The following TRPV4 variants were observed in gnomAD, a reference collection of about 807,000 sequenced individuals.
TRPV4 encodes OSM9-like transient receptor potential channel 4.
In TRPV4, 58 loss-of-function variants were observed where a neutral mutation model predicts 84.1. The observed-to-expected ratio is 0.69, with a 90% CI of 0.56 to 0.86. TRPV4 has a LOEUF of 0.86. Among genes scored for constraint, TRPV4 ranks in the 40% least tolerant of loss-of-function variants. The pLI, the probability that TRPV4 is intolerant of heterozygous loss-of-function variation, is 0.00. For missense variants in TRPV4, 879 were observed against 1,181.1 expected, an observed-to-expected ratio of 0.74 and a Z score of 3.75; for synonymous variants, 489 against 500.9, an observed-to-expected ratio of 0.98 and a Z score of 0.32.
At chr12:109,833,241 C>T (rs1019741495) in intron 1 of TRPV4, 109 bp downstream of exon 1, 3 of 152,334 alleles carry the variant, frequency 2.0e-5, no homozygotes, top group Non-Finnish European at 4.4e-5. Flanking sequence ...CCCTGGCCCG[C>T]ATTTTGGAGC....
intron 1 of TRPV4, among the ~76,000 whole-genome samples, chr12:109,828,609 CAG>C (rs1292848825): frequency 3.9e-5 from 6 of 152,232 alleles, no homozygotes; most frequent in Admixed American, 2.6e-4. Flanking sequence ...TCTGAGGTCA[CAG>C]AGCAGCAACT....
intron 1 of TRPV4, among the ~76,000 whole-genome samples, chr12:109,827,807 CATAT>C (rs1892306845): frequency 2.6e-5 from 4 of 151,506 alleles, no homozygotes; most frequent in African/African-American, 9.8e-5. Flanking sequence ...TATAGTCATA[CATAT>C]ACACACATAC....
At chr12:109,792,598 G>A (rs1890117137) in intron 11 of TRPV4, 54 bp downstream of exon 11, 2 of 1,607,014 alleles carry the variant, frequency 1.2e-6, no homozygotes, top group East Asian at 4.5e-5. Context: ...CATGTGGTGT[G>A]TGTGTGACTC....
intron 3 of TRPV4, among the ~76,000 whole-genome samples, chr12:109,804,634 T>C (rs1470626279): frequency 6.6e-6 from 1 of 152,156 alleles, no homozygotes; most frequent in Non-Finnish European, 1.5e-5. Context: ...GAGACCTGAA[T>C]TCTAGTCTCA....
At position 109,788,483 on chromosome 12, in the gene TRPV4, G is replaced by A. The variant is rs116571438; in HGVS notation, c.2125C>T (p.Leu709=). The A allele has an allele frequency of 3.7e-6, 6 of 1,614,238 alleles. No individual in the cohort carries two copies. Among genetic ancestry groups the A allele is most frequent in the Non-Finnish European group, 5.1e-6 (6 of 1,180,048 alleles). The change falls in exon 13 of 16, where the codon CTG becomes TTG. Residue 709 remains leucine, a synonymous_variant. Transcript: ENST00000261740. ...LVTYIILTFV[L]LLNMLIALMG... ...AGGGCAATGAGCATGTTGAGGAGCA[G>A]CACAAAGGTGAGGATGATGTAGGTC...
At chr12:109,791,380 C>CA (rs953034028) in intron 12 of TRPV4, among the ~76,000 whole-genome samples, 4 of 145,954 alleles carry the variant, frequency 2.7e-5, no homozygotes, top group Admixed American at 6.9e-5. Context: ...GACCTTGCCA[C>CA]AAAAAAAATA....
At chr12:109,819,644 C>A (rs1466726304) in intron 1 of TRPV4, among the ~76,000 whole-genome samples, 1 of 152,234 alleles carries the variant, frequency 6.6e-6, no homozygotes, top group African/African-American at 2.4e-5. Context: ...TCACTGCAAC[C>A]TCCTCCTCCC....
intron 1 of TRPV4, among the ~76,000 whole-genome samples, chr12:109,823,764 A>C (rs1020109675): frequency 6.6e-6 from 1 of 152,094 alleles, no homozygotes; most frequent in African/African-American, 2.4e-5. Context: ...TAAGAAACCA[A>C]CTGAATTGTA....
intron 4 of TRPV4, among the ~76,000 whole-genome samples, chr12:109,801,061 C>T (rs543920138): frequency 6.6e-5 from 10 of 152,356 alleles, no homozygotes; most frequent in Non-Finnish European, 1.0e-4. Flanking sequence ...CGCCTGTAAT[C>T]CCAGCAATTT....
chr12:109,806,915 G>A (rs1397585933), intron 3 of TRPV4, among the ~76,000 whole-genome samples: 2 of 149,918 alleles, frequency 1.3e-5, no homozygotes, highest in Non-Finnish European at 3.0e-5. Flanking sequence ...ATATGTGGAT[G>A]ATGTAGCACA....
chr12:109,803,060 C>G lies in TRPV4; in HGVS notation c.643G>C (p.Asp215His), dbSNP rs1182577604. The G allele has an allele frequency of 6.2e-7, 1 of 1,614,182 alleles. No homozygotes were observed. The highest frequency in any genetic ancestry group is 1.7e-5 in the Admixed American group (1 of 60,022). The stretch of plus-strand genomic sequence containing the variant: ...ATGTTGCCGGTGCGCTCCGCGATGT[C>G]CAGCAGCACAGGGATGGTGTCGTTG... ...GRNDTIPVLL[D>H]IAERTGNMRE... The change falls in exon 4 of 16, where the codon GAC becomes CAC. Residue 215 changes from aspartate (D) to histidine (H), a missense_variant. By Grantham distance (81) the Asp-to-His change is moderately conservative. Around this residue, in one of 4 missense-constraint regions of TRPV4, gnomAD observed 521 missense variants for 686.6 expected, o/e 0.76. Transcript: ENST00000261740.
chr12:109,784,283 GGGGCTCC>G, intron 15 of TRPV4, 26 bp downstream of exon 15: 1 of 1,613,922 alleles, frequency 6.2e-7, no homozygotes, highest in Non-Finnish European at 8.5e-7. Context: ...AGAATGGACT[GGGGCTCC>G]CCTCCGCACC....
At chr12:109,806,710 A>T (rs1592851083) in intron 3 of TRPV4, among the ~76,000 whole-genome samples, 1 of 124,352 alleles carries the variant, frequency 8.0e-6, no homozygotes, top group African/African-American at 2.9e-5. Flanking sequence ...AAAAAAAAAA[A>T]TTTAGCCAGG....
At chr12:109,832,737 G>C (rs545972467) in intron 1 of TRPV4, 2 of 152,376 alleles carry the variant, frequency 1.3e-5, no homozygotes, top group Admixed American at 6.5e-5. Context: ...TGCATCTGTG[G>C]TTGGTGTTTC....
At chr12:109,824,791 G>GCGGCCTCT (rs1439171147) in intron 1 of TRPV4, among the ~76,000 whole-genome samples, 1 of 151,096 alleles carries the variant, frequency 6.6e-6, no homozygotes, top group Non-Finnish European at 1.5e-5. Flanking sequence ...CTTCTCTCTG[G>GCGGCCTCT]CCTAGCCCCT....
chr12:109,802,972 G>A lies in TRPV4; in HGVS notation c.712+19C>T. ...CTCCATCAGCCCCCGTGGCACCCCT[G>A]CCCAGCCCGGGGCCCCACCTCGATA... On this transcript the variant is annotated intron_variant, in intron 4 of 15. Transcript: ENST00000261740. The A allele has an allele frequency of 5.0e-6, 8 of 1,613,030 alleles. No individual in the cohort carries two copies. The highest frequency in any genetic ancestry group is 6.8e-6 in the Non-Finnish European group (8 of 1,179,856).
Position 109,815,014 on chromosome 12 carries a change from G to C in TRPV4, c.-31-187C>G, listed in dbSNP as rs183707412. 6.6e-6 allele frequency: 4 copies of C among 608,230 alleles called. No homozygotes were observed. The highest frequency in any genetic ancestry group is 4.4e-4 in the Middle Eastern group (1 of 2,278). 37.7% of individuals were successfully genotyped at this position (608,230 alleles called of 1,614,324 possible). A position where few individuals can be genotyped will look rare whatever the true frequency, so the allele number is the denominator to read the frequency against. On this transcript the variant is annotated intron_variant, in intron 1 of 15. Transcript: ENST00000261740. The surrounding 1 kb of genome is among the most constrained non-coding windows in gnomAD (Gnocchi z 4.1). ...CAGCCTCAGGCGGGAACTGCAACAG[G>C]AGCCTCTTTCACGAACCTGGAAACA...
chr12:109,812,372 G>T (rs530720612), intron 2 of TRPV4, among the ~76,000 whole-genome samples: 51 of 152,334 alleles, frequency 3.3e-4, no homozygotes, highest in Middle Eastern at 3.4e-3. Context: ...GGGAAAGAAG[G>T]TTGAATGCCT....
intron 1 of TRPV4, among the ~76,000 whole-genome samples, chr12:109,820,442 C>T (rs936622254): frequency 2.6e-5 from 4 of 151,658 alleles, no homozygotes; most frequent in African/African-American, 7.3e-5. Flanking sequence ...AGATCCCAGA[C>T]CCACAGCTCA....
Sources: gnomAD v4.1 joint callset for allele counts (sites outside exome capture counted in the v4.1 genomes callset) on GRCh38, gnomAD v4.1.1 for gene constraint, gnomAD v4.1.1 regional missense constraint, Gnocchi (gnomAD v3.1) non-coding constraint, MANE v1.5 for transcripts, NCBI Gene and HGNC (gene_info 2026-07-23, HGNC 2026-07-21) for gene names.